Variants in SBF1 observed in about 807,000 individuals in gnomAD.
SBF1 encodes the protein myotubularin-related protein 5.
A neutral mutation model predicts 215.8 loss-of-function variants in SBF1; 65 were observed. That is an observed-to-expected ratio of 0.30 (90% CI 0.25 to 0.37). The LOEUF (loss-of-function observed/expected upper bound fraction) is 0.37, where lower values mean the gene tolerates loss of function less well. Among genes scored for constraint, SBF1 ranks in the 10% least tolerant of loss-of-function variants. The probability of loss-of-function intolerance (pLI) is 1.00; values close to 1 mark genes in which losing one functional copy is unlikely to be tolerated. For missense variants in SBF1, 2,634 were observed against 2,667.8 expected (o/e 0.99, Z 0.28); for synonymous variants, 1,410 against 1,122.8 (o/e 1.26, Z -5.11).
At chr22:50,458,535 G>A (rs144514647) in intron 28 of SBF1, among the ~76,000 whole-genome samples, 1 of 152,200 alleles carries the variant, frequency 6.6e-6, no homozygotes, top group Non-Finnish European at 1.5e-5. Context: ...GCAGGGGTGG[G>A]AAGGCAGCAA....
rs372974901 is a variant in SBF1 at position 50,447,370 on chromosome 22, C to T, written c.5535G>A (p.Thr1845=). The change falls in exon 40 of 41, where the codon ACG becomes ACA. Residue 1845 remains threonine, a synonymous_variant. Transcript: ENST00000380817. ...LAEVEAVAPG[T]PTMGAPKTVD... is the part of the protein sequence containing the mutation. ...CAGTCTTAGGGGCACCCATAGTGGG[C>T]GTGCCAGGTGCCACAGCCTCCACCT... is the stretch of plus-strand genomic sequence containing the variant. 3.6e-5 allele frequency: 58 copies of T among 1,613,906 alleles called. No homozygotes were observed. Among genetic ancestry groups the T allele is most frequent in the South Asian group, 3.2e-4 (29 of 91,082 alleles).
chr22:50,471,635 G>A (rs1052605958), intron 1 of SBF1, among the ~76,000 whole-genome samples: 3 of 152,036 alleles, frequency 2.0e-5, no homozygotes, highest in African/African-American at 4.8e-5. Context: ...TCCCTCGGCC[G>A]CAGCAGCAGG....
intron 23 of SBF1, 78 bp from the exon 24 acceptor site, chr22:50,460,790 C>T (rs1443388174): frequency 6.8e-6 from 10 of 1,461,806 alleles, no homozygotes; most frequent in Non-Finnish European, 9.4e-6. Flanking sequence ...GCCAGGCTCC[C>T]CTTCCCCTCG....
intron 1 of SBF1, among the ~76,000 whole-genome samples, chr22:50,473,728 G>A (rs1234517492): frequency 6.6e-6 from 1 of 152,160 alleles, no homozygotes; most frequent in Non-Finnish European, 1.5e-5. Flanking sequence ...GGGAAGGCAA[G>A]CTCAATCCCA....
Position 50,459,451 on chromosome 22 carries a change from G to A in SBF1, c.3688+19C>T. On this transcript the variant is annotated intron_variant, in intron 27 of 40. Coordinates refer to ENST00000380817, the MANE Select transcript of SBF1 (RefSeq NM_002972.4). The stretch of plus-strand genomic sequence containing the variant: ...GTGAGATAGGGCAGGGCAGGCACAG[G>A]GCAGGACGCAGGAGGTACCTGGAGA... 6.2e-7 allele frequency: 1 copy of A among 1,611,846 alleles called. No individual in the cohort carries two copies.
rs751014871 is a variant in SBF1 at position 50,446,777 on chromosome 22, G to A, written c.*365C>T. The A allele has an allele frequency of 7.1e-5, 40 of 564,026 alleles. No homozygotes were observed. Among genetic ancestry groups the A allele is most frequent in the African/African-American group, 1.7e-4 (9 of 54,318 alleles). 34.9% of individuals were successfully genotyped at this position (564,026 alleles called of 1,614,324 possible). ...CTGGGTAGGCCGAGAGCAGGCAGCC[G>A]GGGAGTGGGGAAGGCAGGCACAGGA... On this transcript the variant is annotated 3_prime_UTR_variant, in exon 41 of 41. Coordinates refer to ENST00000380817, the MANE Select transcript of SBF1 (RefSeq NM_002972.4).
At position 50,456,656 on chromosome 22, in the gene SBF1, G is replaced by C; in HGVS notation, c.3922C>G (p.Arg1308Gly). The C allele has an allele frequency of 6.7e-7, 1 of 1,488,596 alleles. No homozygotes were observed. Among genetic ancestry groups the C allele is most frequent in the South Asian group, 1.4e-5 (1 of 71,480 alleles). 92.2% of individuals were successfully genotyped at this position (1,488,596 alleles called of 1,614,324 possible). A position where few individuals can be genotyped will look rare whatever the true frequency, so the allele number is the denominator to read the frequency against. The change falls in exon 30 of 41, where the codon CGG becomes GGG. Residue 1308 changes from arginine (R) to glycine (G), a missense_variant. Coordinates refer to ENST00000380817, the MANE Select transcript of SBF1 (RefSeq NM_002972.4). ...AGGCCACTGCTGCGTCCACTGGTCC[G>C]GACACTGCCCCACTTACCTGTGAAG... ...TAPRGKWGSV[R>G]TSGRSSGLGT...
At position 50,464,558 on chromosome 22, in the gene SBF1, T is replaced by C. The variant is rs1215189145; in HGVS notation, c.1612A>G (p.Thr538Ala). ...PPAVKAERRTTVPSGPPMTAI... is the reference protein window; with the variant it reads ...PPAVKAERRTAVPSGPPMTAI... ...CTCATGGGGGGCCCTGAGGGCACGGTGGTCCTCCTCTCGGCCTTCACAGCT... is the reference window on the plus strand; with the variant it reads ...CTCATGGGGGGCCCTGAGGGCACGGCGGTCCTCCTCTCGGCCTTCACAGCT... The change falls in exon 14 of 41, where the codon ACC becomes GCC. Residue 538 changes from threonine to alanine, a missense_variant. Physicochemically the swap from Thr to Ala is moderately conservative, Grantham distance 58 (BLOSUM62 0). Coordinates refer to ENST00000380817, the MANE Select transcript of SBF1 (RefSeq NM_002972.4). 1 of 1,611,606 alleles carries C rather than the reference T, an allele frequency of 6.2e-7. No individual in the cohort carries two copies. The highest frequency in any genetic ancestry group is 1.7e-5 in the Admixed American group (1 of 59,882).
intron 9 of SBF1, 58 bp downstream of exon 9, chr22:50,465,903 C>T (rs1348854197): frequency 1.2e-6 from 2 of 1,608,500 alleles, no homozygotes; most frequent in East Asian, 4.5e-5. Flanking sequence ...CCCCGTGCTG[C>T]CAGGTAGCCA....
At chr22:50,464,030 G>C (rs1282406827) in intron 15 of SBF1, among the ~76,000 whole-genome samples, 2 of 152,194 alleles carry the variant, frequency 1.3e-5, no homozygotes, top group African/African-American at 4.8e-5. Flanking sequence ...GTCGTGTATG[G>C]GCCTACCCAA....
intron 9 of SBF1, 47 bp downstream of exon 9, chr22:50,465,914 C>T (rs1335707206): frequency 1.2e-6 from 2 of 1,610,328 alleles, no homozygotes; most frequent in Non-Finnish European, 1.7e-6. Context: ...CAGGTAGCCA[C>T]ATCCCAAAGG....
rs761432333 is a variant in SBF1, at chr22:50,462,661, C to T, written c.2025G>A (p.Val675=). 8.1e-6 allele frequency: 13 copies of T among 1,612,548 alleles called. No individual in the cohort carries two copies. Among genetic ancestry groups the T allele is most frequent in the Non-Finnish European group, 1.1e-5 (13 of 1,179,698 alleles). The change falls in exon 18 of 41, where the codon GTG becomes GTA. Residue 675 remains valine (V), a synonymous_variant. Coordinates refer to ENST00000380817, the MANE Select transcript of SBF1 (RefSeq NM_002972.4). ...FAYSCVQEHV[V]WSTPQFWEAM... ...CCTCCCAGAACTGTGGCGTGCTCCA[C>T]ACCACGTGCTCCTGCACACAGCTGT...
In SBF1 at chr22:50,467,686, G is replaced by T; in HGVS notation, c.284C>A (p.Thr95Lys). 1.9e-6 allele frequency: 3 copies of T among 1,561,772 alleles called. No individual in the cohort carries two copies. Among genetic ancestry groups the T allele is most frequent in the Non-Finnish European group, 2.6e-6 (3 of 1,143,072 alleles). The change falls in exon 4 of 41, where the codon ACG (threonine) becomes AAG (lysine). Residue 95 changes from threonine (T) to lysine (K), a missense_variant. Transcript: ENST00000380817. ...FWEPAEPSQE[T>K]TRVEDATERE... Reference sequence around the variant, plus strand: ...CTCTGTGGCATCCTCCACGCGCGTCGTTTCCTGCTGGGGGTCAGGGGGAGA... The same window carrying T: ...CTCTGTGGCATCCTCCACGCGCGTCTTTTCCTGCTGGGGGTCAGGGGGAGA...
rs530412774 is a variant in SBF1 at position 50,448,719 on chromosome 22, G to A, written c.5044-69C>T. On this transcript the variant is annotated intron_variant, in intron 36 of 40. Transcript: ENST00000380817. ...CAGACTAGAGCACGAAAAGACAAAA[G>A]GAAAACACAGGAAAGAGACACAACG... The A allele has an allele frequency of 4.6e-5, 56 of 1,227,410 alleles. No individual in the cohort carries two copies. In the East Asian group the frequency reaches 7.3e-4, roughly 16 times the overall value. The allele number at this position is 1,227,410 out of a possible 1,614,324, so 76.0% of individuals were successfully genotyped here.
rs903913145 is a variant in SBF1 at position 50,473,546 on chromosome 22, G to A, written c.55+1240C>T. On this transcript the variant is annotated intron_variant, in intron 1 of 40. Transcript: ENST00000380817. ...ACACACTTGGATAGACATGAGCAGA[G>A]AGGAGTGTGTGCTGAGTAAGAGGGC... Among the ~76,000 whole-genome samples the A allele has an allele frequency of 6.6e-5, 10 of 152,200 alleles. No individual in the cohort carries two copies. In the East Asian group the frequency reaches 7.7e-4, roughly 12 times the overall value.
rs1183692498 is a variant in SBF1 at position 50,462,954 on chromosome 22, G to A, written c.1900-16C>T. ...AAGTGCAGTCCTGCAGGTAGAGCGAGAGACCGTCAGGACCTCTCCCCTCCC... is the reference window on the plus strand; with the variant it reads ...AAGTGCAGTCCTGCAGGTAGAGCGAAAGACCGTCAGGACCTCTCCCCTCCC... On this transcript the variant is annotated splice_polypyrimidine_tract_variant and intron_variant, in intron 16 of 40. Coordinates refer to ENST00000380817, the MANE Select transcript of SBF1 (RefSeq NM_002972.4). The A allele has an allele frequency of 1.2e-6, 2 of 1,606,404 alleles. No homozygotes were observed. Among genetic ancestry groups the A allele is most frequent in the African/African-American group, 1.3e-5 (1 of 74,776 alleles).
intron 29 of SBF1, 151 bp downstream of exon 29, chr22:50,456,883 C>T (rs994153193): frequency 8.1e-6 from 6 of 737,764 alleles, no homozygotes; most frequent in Admixed American, 3.5e-5. Context: ...GCAGGACTCA[C>T]GGGTCAGGGA....
At chr22:50,472,291 A>G (rs964431050) in intron 1 of SBF1, among the ~76,000 whole-genome samples, 1 of 152,196 alleles carries the variant, frequency 6.6e-6, no homozygotes, top group Non-Finnish European at 1.5e-5. Context: ...TGCCTCAGGC[A>G]GGACTCATGC....
intron 10 of SBF1, among the ~76,000 whole-genome samples, 172 bp from the exon 11 acceptor site, chr22:50,465,500 G>A (rs899581316): frequency 2.0e-5 from 3 of 152,164 alleles, no homozygotes; most frequent in African/African-American, 4.8e-5. Flanking sequence ...GTCTGGACAA[G>A]GCACTCCTGG....
Sources: gnomAD v4.1 joint callset for allele counts (sites outside exome capture counted in the v4.1 genomes callset) on GRCh38, gnomAD v4.1.1 for gene constraint, MANE v1.5 for transcripts, NCBI Gene and HGNC (gene_info 2026-07-23, HGNC 2026-07-21) for gene names.